ABLIM2: variants seen among roughly 807,000 people sequenced by gnomAD.
ABLIM2 encodes the protein actin-binding LIM protein 2.
Under a neutral mutation model 97.7 loss-of-function variants are expected in ABLIM2, and 53 were observed. The ratio of observed to expected loss-of-function variants is 0.54; its 90% CI spans 0.44 to 0.68. The LOEUF (loss-of-function observed/expected upper bound fraction) is 0.68. Ranked by LOEUF, ABLIM2 falls within the 30% of genes least tolerant of loss-of-function variation. The pLI is 0.00. For missense variants in ABLIM2, 835 were observed against 867.2 expected (o/e 0.96, Z 0.47); for synonymous variants, 361 against 345.8 (o/e 1.04, Z -0.49).
intron 3 of ABLIM2, among the ~76,000 whole-genome samples, chr4:8,091,970 T>C (rs924746793): frequency 7.4e-6 from 1 of 135,574 alleles, no homozygotes; most frequent in African/African-American, 2.8e-5. Flanking sequence ...AGAATACATA[T>C]TTTTATATAT....
At chr4:8,007,740 C>T (rs572704752) in intron 16 of ABLIM2, 41 of 1,106,736 alleles carry the variant, frequency 3.7e-5, no homozygotes, top group Admixed American at 9.3e-5. Flanking sequence ...GACTTCCACC[C>T]GGCAGCCCGG....
At chr4:8,030,405 T>G (rs1305312144) in intron 10 of ABLIM2, among the ~76,000 whole-genome samples, 4 of 152,138 alleles carry the variant, frequency 2.6e-5, no homozygotes, top group Non-Finnish European at 5.9e-5. Flanking sequence ...CAGCTTGGCA[T>G]GCTGTCCCGG....
intron 8 of ABLIM2, among the ~76,000 whole-genome samples, chr4:8,051,002 T>C (rs1795648276): frequency 1.3e-5 from 2 of 152,188 alleles, no homozygotes; most frequent in Admixed American, 1.3e-4. Flanking sequence ...CATCCGGTGG[T>C]TAAGTGACCC....
chr4:8,024,936 C>G (rs989580510), intron 12 of ABLIM2, among the ~76,000 whole-genome samples: 4 of 152,078 alleles, frequency 2.6e-5, no homozygotes, highest in East Asian at 1.9e-4. Context: ...TCTTTTTTCT[C>G]TTTTTTTGAG....
At chr4:8,078,205 G>A (rs1012942966) in intron 5 of ABLIM2, among the ~76,000 whole-genome samples, 3 of 152,230 alleles carry the variant, frequency 2.0e-5, no homozygotes, top group African/African-American at 7.2e-5. Flanking sequence ...TGTCCCCCCT[G>A]CATCCTGGCC....
intron 1 of ABLIM2, among the ~76,000 whole-genome samples, chr4:8,139,999 G>C (rs1478978308): frequency 6.6e-6 from 1 of 151,042 alleles, no homozygotes; most frequent in Non-Finnish European, 1.5e-5. Context: ...AACTAACACA[G>C]GAACAGAAAA....
chr4:7,971,889 G>A (rs942076288), intron 20 of ABLIM2, among the ~76,000 whole-genome samples: 4 of 152,110 alleles, frequency 2.6e-5, no homozygotes, highest in African/African-American at 9.7e-5. Flanking sequence ...GTGGGCCTCA[G>A]GTCCTAGCCC....
Position 8,120,421 on chromosome 4 carries a change from C to A in ABLIM2, c.11-13784G>T, listed in dbSNP as rs1420821621. Among the ~76,000 whole-genome samples, 2 of 152,138 alleles carry A rather than the reference C, an allele frequency of 1.3e-5. No homozygotes were observed. The highest frequency in any genetic ancestry group is 2.9e-5 in the Non-Finnish European group (2 of 68,014). ...GGGGAAATGTGGACACAGAGACAAC[C>A]CCAGACAATCCCCCGTCTGTGTGTT... On this transcript the variant is annotated intron_variant, in intron 1 of 20. Transcript: ENST00000447017. The surrounding 1 kb of genome is among the most constrained non-coding windows in gnomAD (Gnocchi z 5.6).
At chr4:7,989,457 T>A (rs1297149290) in intron 17 of ABLIM2, 3 of 985,160 alleles carry the variant, frequency 3.0e-6, no homozygotes, top group Non-Finnish European at 3.6e-6. Context: ...GGCATTGCCA[T>A]GTTGCTTGGT....
intron 10 of ABLIM2, among the ~76,000 whole-genome samples, chr4:8,035,047 G>C (rs1191906548): frequency 6.9e-6 from 1 of 144,420 alleles, no homozygotes; most frequent in Non-Finnish European, 1.5e-5. Context: ...TGGGTGATGG[G>C]TGGTAGGTAG....
intron 2 of ABLIM2, among the ~76,000 whole-genome samples, chr4:8,097,641 T>C (rs1426005335): frequency 1.3e-5 from 2 of 152,130 alleles, no homozygotes; most frequent in African/African-American, 4.8e-5. Context: ...TGTCCTCCAG[T>C]GGGCTGTTTC....
rs968502799 is a variant in ABLIM2 at position 8,015,697 on chromosome 4, G to A, written c.1423+3921C>T. ...ACCTGCCGGACAAGTGGTGGGAGGTGTGTGTTGGGGGGTGAGGAGAGAGCT... is the reference window on the plus strand; with the variant it reads ...ACCTGCCGGACAAGTGGTGGGAGGTATGTGTTGGGGGGTGAGGAGAGAGCT... On this transcript the variant is annotated intron_variant, in intron 14 of 20. Transcript: ENST00000447017. The surrounding 1 kb of genome is among the most constrained non-coding windows in gnomAD (Gnocchi z 4.6). 4.6e-5 allele frequency among the ~76,000 whole-genome samples: 7 copies of A among 152,178 alleles called. No individual in the cohort carries two copies. The highest frequency in any genetic ancestry group is 1.7e-4 in the African/African-American group (7 of 41,432).
rs1449819402 is a variant in ABLIM2, at chr4:8,158,676, C to G, written c.10+4G>C. 5 of 1,490,122 alleles carry G rather than the reference C, an allele frequency of 3.4e-6. No individual in the cohort carries two copies. Among genetic ancestry groups the G allele is most frequent in the Non-Finnish European group, 3.6e-6 (4 of 1,124,524 alleles). 92.3% of individuals were successfully genotyped at this position (1,490,122 alleles called of 1,614,324 possible). A position where few individuals can be genotyped will look rare whatever the true frequency, so the allele number is the denominator to read the frequency against. On this transcript the variant is annotated splice_donor_region_variant and intron_variant, in intron 1 of 20. Coordinates refer to ENST00000447017, the MANE Select transcript of ABLIM2 (RefSeq NM_001130083.2). Reference sequence around the variant, plus strand: ...CCGTTGGTCCCTCGGTCCCCAGCACCCACCTGCACTCATCTCAGCAGCCGC... The same window carrying G: ...CCGTTGGTCCCTCGGTCCCCAGCACGCACCTGCACTCATCTCAGCAGCCGC...
chr4:8,047,358 T>TTCCTCC (rs139472480), intron 8 of ABLIM2, among the ~76,000 whole-genome samples: 27,371 of 148,984 alleles, frequency 0.18, 2,600 homozygotes, highest in South Asian at 0.27. Flanking sequence ...CCACCGCCTC[T>TTCCTCC]TCCTCCTCCT....
At chr4:8,060,864 G>T in intron 7 of ABLIM2, 103 bp downstream of exon 7, 1 of 1,010,640 alleles carries the variant, frequency 9.9e-7, no homozygotes, top group Non-Finnish European at 1.5e-6. Context: ...GTGACCTAGC[G>T]AGATGACACT....
At position 8,125,846 on chromosome 4, in the gene ABLIM2, C is replaced by G. The variant is rs987575854; in HGVS notation, c.11-19209G>C. ...CTCCAGCACCCCAGCCATGCCAGCTCGTCCTCCTGGGCAGGAGGGCGAACT... is the reference window on the plus strand; with the variant it reads ...CTCCAGCACCCCAGCCATGCCAGCTGGTCCTCCTGGGCAGGAGGGCGAACT... On this transcript the variant is annotated intron_variant, in intron 1 of 20. Coordinates refer to ENST00000447017, the MANE Select transcript of ABLIM2 (RefSeq NM_001130083.2). The surrounding 1 kb of genome is among the most constrained non-coding windows in gnomAD (Gnocchi z 6.2). Among the ~76,000 whole-genome samples, 2 of 152,232 alleles carry G rather than the reference C, an allele frequency of 1.3e-5. No individual in the cohort carries two copies. Among genetic ancestry groups the G allele is most frequent in the Non-Finnish European group, 2.9e-5 (2 of 68,042 alleles).
At position 7,992,823 on chromosome 4, in the gene ABLIM2, G is replaced by T; in HGVS notation, c.1680+43C>A. On this transcript the variant is annotated intron_variant, in intron 17 of 20. Coordinates refer to ENST00000447017, the MANE Select transcript of ABLIM2 (RefSeq NM_001130083.2). This position sits in a 1 kb window ranked among gnomAD's most constrained non-coding sequence, Gnocchi z 5.7. ...TGTGGGAAACGTGCTCAGCCTCACAGCAATCGTTAGTACCCTGTGGCCAGG... is the reference window on the plus strand; with the variant it reads ...TGTGGGAAACGTGCTCAGCCTCACATCAATCGTTAGTACCCTGTGGCCAGG... 2 of 1,594,490 alleles carry T rather than the reference G, an allele frequency of 1.3e-6. No homozygotes were observed. Among genetic ancestry groups the T allele is most frequent in the Non-Finnish European group, 1.7e-6 (2 of 1,166,328 alleles).
intron 3 of ABLIM2, among the ~76,000 whole-genome samples, chr4:8,091,811 AT>A (rs1218789539): frequency 1.2e-5 from 1 of 86,094 alleles, no homozygotes; most frequent in East Asian, 3.4e-4. Context: ...TATATTATAT[AT>A]TATATAATAT....
chr4:8,158,636 A>G, intron 1 of ABLIM2, 44 bp downstream of exon 1: 4 of 1,505,604 alleles, frequency 2.7e-6, no homozygotes, highest in Non-Finnish European at 3.5e-6. Flanking sequence ...CGGCGCCGCG[A>G]GCCAGCGCGG....
Sources: gnomAD v4.1 joint callset for allele counts (sites outside exome capture counted in the v4.1 genomes callset) on GRCh38, gnomAD v4.1.1 for gene constraint, Gnocchi (gnomAD v3.1) non-coding constraint, MANE v1.5 for transcripts, NCBI Gene and HGNC (gene_info 2026-07-23, HGNC 2026-07-21) for gene names.